Variants in SLC60A2 observed in about 807,000 individuals in gnomAD.
SLC60A2 encodes solute carrier family 60 member 2, also known as major facilitator superfamily domain containing 4B.
At chr6:111,266,710 T>G in the SLC60A2 span, 1 of 1,614,216 alleles carries the variant, frequency 6.2e-7, no homozygotes, top group Admixed American at 1.7e-5. Flanking sequence ...TACCCTGATT[T>G]GCCTGTAGTT....
At chr6:111,262,109 C>G in the SLC60A2 span, 1 of 528,072 alleles carries the variant, frequency 1.9e-6, no homozygotes, top group Non-Finnish European at 3.1e-6. Context: ...TTAGTCAAAA[C>G]TAAAAAAACA....
chr6:111,271,775 TAAAAAAAA>T, the SLC60A2 span, among the ~76,000 whole-genome samples: 410 of 18,854 alleles, frequency 0.022, 5 homozygotes, highest in African/African-American at 0.068. Flanking sequence ...CCATCTCTAC[TAAAAAAAA>T]AAAAAAAAAA....
the SLC60A2 span, chr6:111,266,120 T>C: frequency 3.1e-6 from 5 of 1,614,160 alleles, no homozygotes; most frequent in Non-Finnish European, 4.2e-6. Flanking sequence ...TGTGGGCTTA[T>C]GCTGTTATCG....
At chr6:111,261,050 C>T in the SLC60A2 span, among the ~76,000 whole-genome samples, 8 of 152,176 alleles carry the variant, frequency 5.3e-5, no homozygotes, top group African/African-American at 1.9e-4. Flanking sequence ...TGAATTTCCT[C>T]TGAAAGTCAA....
At chr6:111,273,496 GTTTTTTT>G in the SLC60A2 span, among the ~76,000 whole-genome samples, 2 of 109,886 alleles carry the variant, frequency 1.8e-5, no homozygotes, top group South Asian at 3.4e-4. Context: ...TGAGATTTGT[GTTTTTTT>G]TTTTTTTTTT....
the SLC60A2 span, among the ~76,000 whole-genome samples, chr6:111,264,518 G>T: frequency 6.6e-6 from 1 of 151,938 alleles, no homozygotes; most frequent in South Asian, 2.1e-4. Context: ...GGCCGGGTGC[G>T]GTGGCTCACA....
chr6:111,273,621 A>G, the SLC60A2 span, among the ~76,000 whole-genome samples: 3 of 152,102 alleles, frequency 2.0e-5, no homozygotes, highest in Non-Finnish European at 4.4e-5. Context: ...GTTGGTCTAA[A>G]TCTAATGTTT....
chr6:111,274,430 G>C, the SLC60A2 span, among the ~76,000 whole-genome samples: 2 of 152,112 alleles, frequency 1.3e-5, no homozygotes, highest in Non-Finnish European at 2.9e-5. Context: ...ATACAGTTGG[G>C]TAATGGGGTT....
At chr6:111,271,775 TAAAAAAAAAAAAAAA>T in the SLC60A2 span, among the ~76,000 whole-genome samples, 2 of 18,836 alleles carry the variant, frequency 1.1e-4, no homozygotes, top group Non-Finnish European at 1.9e-4. Context: ...CCATCTCTAC[TAAAAAAAAAAAAAAA>T]AAAAAAAAAA....
At chr6:111,262,170 T>G in the SLC60A2 span, 1 of 939,508 alleles carries the variant, frequency 1.1e-6, no homozygotes. Flanking sequence ...TCCGCCCCCC[T>G]TTTTTTTTAT....
chr6:111,260,962 G>C, the SLC60A2 span, among the ~76,000 whole-genome samples: 1 of 152,226 alleles, frequency 6.6e-6, no homozygotes, highest in Non-Finnish European at 1.5e-5. Flanking sequence ...CATGCATTTA[G>C]AGCAGAGCAG....
At chr6:111,265,330 A>G in the SLC60A2 span, 1 of 984,930 alleles carries the variant, frequency 1.0e-6, no homozygotes, top group Non-Finnish European at 1.2e-6. Flanking sequence ...ACGTTTAGAC[A>G]GTATAAATTC....
the SLC60A2 span, among the ~76,000 whole-genome samples, chr6:111,272,246 A>G: frequency 6.6e-6 from 1 of 151,824 alleles, no homozygotes; most frequent in Non-Finnish European, 1.5e-5. Flanking sequence ...CAAGTGATCC[A>G]CCTGTCTAGG....
chr6:111,274,558 G>T, the SLC60A2 span, among the ~76,000 whole-genome samples: 2 of 152,038 alleles, frequency 1.3e-5, no homozygotes, highest in South Asian at 4.2e-4. Flanking sequence ...TTGTCATTTT[G>T]TGAGTTGTTT....
the SLC60A2 span, chr6:111,278,642 A>C: frequency 6.6e-6 from 1 of 152,220 alleles, no homozygotes; most frequent in African/African-American, 2.4e-5. Flanking sequence ...GCCTGCTGCC[A>C]TCTATATAAG....
chr6:111,267,941 AG>A, the SLC60A2 span: 1 of 152,240 alleles, frequency 6.6e-6, no homozygotes, highest in African/African-American at 2.4e-5. Context: ...ACAGGGCCCA[AG>A]GGGTCGGGCT....
the SLC60A2 span, among the ~76,000 whole-genome samples, chr6:111,277,253 T>C: frequency 6.6e-6 from 1 of 152,244 alleles, no homozygotes; most frequent in Non-Finnish European, 1.5e-5. Flanking sequence ...ATGGCCTGGT[T>C]CATCTGCATC....
the SLC60A2 span, among the ~76,000 whole-genome samples, chr6:111,262,084 A>G: frequency 6.6e-6 from 1 of 152,290 alleles, no homozygotes; most frequent in South Asian, 2.1e-4. Flanking sequence ...TCAAAACAAA[A>G]AAAAAATAAG....
At chr6:111,278,966 A>C in the SLC60A2 span, among the ~76,000 whole-genome samples, 5 of 152,232 alleles carry the variant, frequency 3.3e-5, no homozygotes, top group Non-Finnish European at 5.9e-5. Flanking sequence ...GTGGTTTTCA[A>C]ACCTGGCTGC....
Sources: gnomAD v4.1 joint callset for allele counts (sites outside exome capture counted in the v4.1 genomes callset) on GRCh38, gnomAD v4.1.1 for gene constraint, MANE v1.5 for transcripts, NCBI Gene and HGNC (gene_info 2026-07-23, HGNC 2026-07-21) for gene names.